CHRM2: variants seen among roughly 807,000 people sequenced by gnomAD.
CHRM2 encodes the protein cholinergic receptor muscarinic 2, also known as muscarinic acetylcholine receptor M2.
Under a neutral mutation model 25.0 loss-of-function variants are expected in CHRM2, and 8 were observed. The observed-to-expected ratio is 0.32, with a 90% CI of 0.19 to 0.58. The LOEUF is 0.58. CHRM2 is among the 20% of genes least tolerant of loss of function. The pLI, the probability that CHRM2 is intolerant of heterozygous loss-of-function variation, is 0.88. For missense variants in CHRM2, 440 were observed against 567.1 expected (o/e 0.78, Z 2.28); for synonymous variants, 202 against 205.7 (o/e 0.98, Z 0.15).
At chr7:136,993,070 T>C (rs1426050711) in intron 3 of CHRM2, among the ~76,000 whole-genome samples, 2 of 152,196 alleles carry the variant, frequency 1.3e-5, no homozygotes, top group East Asian at 3.9e-4. Context: ...ACAATCAAAT[T>C]GACACATAAA....
intron 3 of CHRM2, among the ~76,000 whole-genome samples, chr7:137,007,041 A>G (rs576222717): frequency 1.5e-3 from 227 of 152,230 alleles, no homozygotes; most frequent in Non-Finnish European, 2.7e-3. Context: ...ATAGTAAAAA[A>G]TCAATCAAAG....
At position 137,015,998 on chromosome 7, in the gene CHRM2, C is replaced by T. The variant is rs377734401; in HGVS notation, c.1133C>T (p.Pro378Leu). The T allele has an allele frequency of 6.8e-6, 11 of 1,613,174 alleles. No individual in the cohort carries two copies. Among genetic ancestry groups the T allele is most frequent in the East Asian group, 2.2e-5 (1 of 44,782 alleles). ...MTKQPAKKKP[P>L]PSREKKVTRT... ...AAGCAGCCTGCAAAAAAGAAGCCTC[C>T]TCCTTCCCGGGAAAAGAAAGTCACC... Residue 378 changes from proline to leucine, a missense_variant, in exon 4 of 4, where the codon CCT becomes CTT. Coordinates refer to ENST00000680005, the MANE Select transcript of CHRM2 (RefSeq NM_001006630.2). This position sits in a 1 kb window ranked among gnomAD's most constrained non-coding sequence, Gnocchi z 5.1.
chr7:136,981,309 T>G (rs1041958127), intron 2 of CHRM2, among the ~76,000 whole-genome samples: 1 of 152,222 alleles, frequency 6.6e-6, no homozygotes, highest in Non-Finnish European at 1.5e-5. Context: ...CATTTTTCAT[T>G]GTGTCTATTT....
intron 2 of CHRM2, among the ~76,000 whole-genome samples, chr7:136,974,617 T>C (rs753329069): frequency 6.6e-6 from 1 of 152,160 alleles, no homozygotes; most frequent in Non-Finnish European, 1.5e-5. Context: ...TCAGTGGGGC[T>C]GTATTATATT....
At chr7:136,902,653 A>C (rs1346890428) in intron 2 of CHRM2, 2 of 165,460 alleles carry the variant, frequency 1.2e-5, no homozygotes, top group Non-Finnish European at 2.6e-5. Flanking sequence ...TGGGCAAATC[A>C]TAAACAGCTA....
chr7:136,999,332 T>C (rs555757616), intron 3 of CHRM2, among the ~76,000 whole-genome samples: 2 of 152,164 alleles, frequency 1.3e-5, no homozygotes, highest in East Asian at 1.9e-4. Context: ...CGTTTATTTA[T>C]GTAACAAACT....
chr7:136,997,836 A>G (rs775798423), intron 3 of CHRM2, among the ~76,000 whole-genome samples: 3 of 152,142 alleles, frequency 2.0e-5, no homozygotes, highest in Non-Finnish European at 4.4e-5. Context: ...AGGGCTACAT[A>G]GGCAGAAATT....
At chr7:136,971,437 G>A (rs1358524809) in intron 2 of CHRM2, among the ~76,000 whole-genome samples, 1 of 152,014 alleles carries the variant, frequency 6.6e-6, no homozygotes, top group Non-Finnish European at 1.5e-5. Flanking sequence ...CCAACACGGT[G>A]AAACCCTGTC....
chr7:136,876,553 G>A (rs773063204), intron 2 of CHRM2, among the ~76,000 whole-genome samples: 2 of 151,888 alleles, frequency 1.3e-5, no homozygotes, highest in South Asian at 2.1e-4. Context: ...CCATTTTATC[G>A]TATCAAAGAA....
intron 2 of CHRM2, among the ~76,000 whole-genome samples, chr7:136,968,605 A>T (rs1464617571): frequency 1.3e-5 from 2 of 151,508 alleles, no homozygotes; most frequent in African/African-American, 2.4e-5. Flanking sequence ...TATTCACAAC[A>T]GCCAAGACAT....
chr7:136,983,445 A>C (rs1802623556), intron 2 of CHRM2, among the ~76,000 whole-genome samples: 2 of 151,844 alleles, frequency 1.3e-5, no homozygotes, highest in Non-Finnish European at 2.9e-5. Context: ...TATTCATCAA[A>C]CTCATTCTCT....
intron 3 of CHRM2, among the ~76,000 whole-genome samples, chr7:137,010,135 A>G (rs1202145969): frequency 6.6e-6 from 1 of 152,108 alleles, no homozygotes; most frequent in East Asian, 1.9e-4. Context: ...GAGAAAAAAG[A>G]AAATTGAGGT....
rs73447175 is a variant in CHRM2, at chr7:137,016,504, C to G, written c.*238C>G. The G allele has an allele frequency of 8.2e-3, 4,247 of 519,584 alleles. 152 individuals are homozygous for G. The highest frequency in any genetic ancestry group is 0.072 in the African/African-American group (3,773 of 52,060). 32.2% of individuals were successfully genotyped at this position (519,584 alleles called of 1,614,324 possible). ...GACAATGAAAGAAACATGTTGGGAT[C>G]GTGGATTTAAGAAACTATACACTGT... On this transcript the variant is annotated 3_prime_UTR_variant, in exon 4 of 4. Transcript: ENST00000680005.
intron 2 of CHRM2, among the ~76,000 whole-genome samples, chr7:136,944,499 A>C (rs1299261131): frequency 6.6e-6 from 1 of 152,060 alleles, no homozygotes; most frequent in Admixed American, 6.6e-5. Context: ...ACATGTATAC[A>C]TATATGTGTA....
At chr7:136,978,865 G>A (rs981702898) in intron 2 of CHRM2, among the ~76,000 whole-genome samples, 1 of 152,164 alleles carries the variant, frequency 6.6e-6, no homozygotes, top group Non-Finnish European at 1.5e-5. Context: ...GGGCATTTGG[G>A]TTGGTTTCAA....
intron 2 of CHRM2, among the ~76,000 whole-genome samples, chr7:136,874,839 G>A (rs1412127726): frequency 6.6e-6 from 1 of 151,608 alleles, no homozygotes. Flanking sequence ...TGGCAAAGGG[G>A]TGGGAAGGAT....
intron 2 of CHRM2, among the ~76,000 whole-genome samples, chr7:136,930,442 C>T (rs547294375): frequency 6.6e-6 from 1 of 152,208 alleles, no homozygotes; most frequent in South Asian, 2.1e-4. Flanking sequence ...AAATCACAAT[C>T]TTCAGTGTAA....
chr7:136,938,842 C>G (rs749098072), intron 2 of CHRM2, among the ~76,000 whole-genome samples: 2 of 145,024 alleles, frequency 1.4e-5, no homozygotes, highest in Non-Finnish European at 3.0e-5. Context: ...TACCTGGGGA[C>G]CCCCCTTGCC....
intron 2 of CHRM2, among the ~76,000 whole-genome samples, chr7:136,987,096 C>T (rs1216088281): frequency 6.6e-6 from 1 of 151,782 alleles, no homozygotes; most frequent in Non-Finnish European, 1.5e-5. Context: ...TTTCTTACTG[C>T]CTCCAGGTAT....
Sources: gnomAD v4.1 joint callset for allele counts (sites outside exome capture counted in the v4.1 genomes callset) on GRCh38, gnomAD v4.1.1 for gene constraint, Gnocchi (gnomAD v3.1) non-coding constraint, MANE v1.5 for transcripts, NCBI Gene and HGNC (gene_info 2026-07-23, HGNC 2026-07-21) for gene names.